The following STPG2 variants were observed in gnomAD, a reference collection of about 807,000 sequenced individuals.
The protein encoded by STPG2 is sperm tail PG-rich repeat containing 2.
In STPG2, 56 loss-of-function variants were observed where a neutral mutation model predicts 54.2. The ratio of observed to expected loss-of-function variants is 1.03; its 90% CI spans 0.83 to 1.29. The LOEUF (loss-of-function observed/expected upper bound fraction) is 1.29. Ranked by LOEUF, STPG2 falls within the 50% of genes most tolerant of loss-of-function variation. The pLI, the probability that STPG2 is intolerant of heterozygous loss-of-function variation, is 0.00. For missense variants in STPG2, 596 were observed against 544.9 expected, an observed-to-expected ratio of 1.09 and a Z score of -0.93; for synonymous variants, 200 against 181.8, an observed-to-expected ratio of 1.10 and a Z score of -0.81.
At chr4:97,632,284 G>GTT (rs1560693832) in intron 10 of STPG2, among the ~76,000 whole-genome samples, 1 of 140,628 alleles carries the variant, frequency 7.1e-6, no homozygotes, top group African/African-American at 3.0e-5. Context: ...CAAGCTTATT[G>GTT]GTTTTTTTTT....
chr4:97,928,287 C>T (rs1732409909), intron 8 of STPG2, among the ~76,000 whole-genome samples: 1 of 152,116 alleles, frequency 6.6e-6, no homozygotes, highest in South Asian at 2.1e-4. Flanking sequence ...ACTCTGGGTT[C>T]CTCCTTAATT....
At chr4:97,525,023 A>C (rs984676451) in intron 4 of STPG2, among the ~76,000 whole-genome samples, 2 of 151,918 alleles carry the variant, frequency 1.3e-5, no homozygotes. Context: ...AGACCTTCTT[A>C]TATTTCACAT....
At chr4:97,802,514 G>A (rs776832861) in intron 9 of STPG2, among the ~76,000 whole-genome samples, 6 of 151,990 alleles carry the variant, frequency 3.9e-5, no homozygotes, top group Non-Finnish European at 7.4e-5. Context: ...CTGGTTGCCT[G>A]GGTTGGAGTG....
intron 4 of STPG2, among the ~76,000 whole-genome samples, chr4:97,500,237 G>A (rs1730695223): frequency 6.6e-6 from 1 of 152,010 alleles, no homozygotes; most frequent in African/African-American, 2.4e-5. Flanking sequence ...TTAGATGAGG[G>A]TGTAAAAGAA....
intron 9 of STPG2, among the ~76,000 whole-genome samples, chr4:97,729,075 C>G (rs931636375): frequency 6.6e-6 from 1 of 150,818 alleles, no homozygotes; most frequent in African/African-American, 2.4e-5. Flanking sequence ...CTCTCTCTCT[C>G]TCTCTCTCTC....
At chr4:97,462,387 A>G (rs1035749167) in intron 4 of STPG2, among the ~76,000 whole-genome samples, 1 of 152,020 alleles carries the variant, frequency 6.6e-6, no homozygotes, top group Non-Finnish European at 1.5e-5. Context: ...ATCAAATTCT[A>G]TATAAATTTT....
intron 8 of STPG2, among the ~76,000 whole-genome samples, chr4:97,942,495 CTTTTG>C (rs71588922): frequency 0.43 from 65,827 of 151,554 alleles, 14,629 homozygotes; most frequent in Admixed American, 0.54. Context: ...TTTAAACTGT[CTTTTG>C]AATTTATAAT....
chr4:97,530,173 C>A (rs561794200), intron 4 of STPG2, among the ~76,000 whole-genome samples: 8 of 152,110 alleles, frequency 5.3e-5, no homozygotes, highest in Non-Finnish European at 1.0e-4. Flanking sequence ...ATTTAGGGAC[C>A]TAGACTGCTT....
chr4:97,967,550 T>C (rs1276166584), intron 7 of STPG2, among the ~76,000 whole-genome samples: 2 of 152,120 alleles, frequency 1.3e-5, no homozygotes, highest in Non-Finnish European at 2.9e-5. Flanking sequence ...ATCAACAGAA[T>C]ATACATTCTT....
chr4:97,705,584 C>T (rs534764694), intron 10 of STPG2, among the ~76,000 whole-genome samples: 1 of 152,082 alleles, frequency 6.6e-6, no homozygotes, highest in African/African-American at 2.4e-5. Context: ...CCTCAGCCTC[C>T]CAAAGTTCTA....
intron 5 of STPG2, among the ~76,000 whole-genome samples, chr4:98,043,697 T>A (rs1737034874): frequency 6.6e-6 from 1 of 152,146 alleles, no homozygotes; most frequent in South Asian, 2.1e-4. Context: ...TACTTTCATC[T>A]TTTTTCTTTA....
At chr4:97,521,097 T>A (rs1403279290) in intron 4 of STPG2, among the ~76,000 whole-genome samples, 2 of 152,062 alleles carry the variant, frequency 1.3e-5, no homozygotes, top group Non-Finnish European at 2.9e-5. Flanking sequence ...CACTGTTTGT[T>A]ACTATTGTAC....
intron 9 of STPG2, among the ~76,000 whole-genome samples, chr4:97,768,355 C>T (rs1245602872): frequency 6.6e-6 from 1 of 152,068 alleles, no homozygotes; most frequent in East Asian, 1.9e-4. Context: ...AGTGTTACAG[C>T]CTGCAAGGTG....
chr4:97,985,484 G>A (rs752428576), intron 5 of STPG2, among the ~76,000 whole-genome samples: 12 of 152,130 alleles, frequency 7.9e-5, no homozygotes, highest in Non-Finnish European at 1.6e-4. Flanking sequence ...TAAAATGCCC[G>A]ACAACTCCTA....
At chr4:97,764,728 G>GT (rs1725988148) in intron 9 of STPG2, among the ~76,000 whole-genome samples, 1 of 152,016 alleles carries the variant, frequency 6.6e-6, no homozygotes, top group South Asian at 2.1e-4. Flanking sequence ...AAATATTTCT[G>GT]TTTTTTTCTT....
chr4:97,824,071 C>T (rs952868756), intron 9 of STPG2, among the ~76,000 whole-genome samples: 1 of 152,142 alleles, frequency 6.6e-6, no homozygotes, highest in East Asian at 1.9e-4. Context: ...CTATGGGTGG[C>T]AGAATTAGGC....
At chr4:98,022,583 A>C (rs916607394) in intron 5 of STPG2, among the ~76,000 whole-genome samples, 4 of 151,954 alleles carry the variant, frequency 2.6e-5, no homozygotes, top group African/African-American at 9.7e-5. Context: ...AGATTGGGGA[A>C]GTTCTCCTGG....
At chr4:97,923,256 A>G (rs1016597342) in intron 8 of STPG2, among the ~76,000 whole-genome samples, 2 of 152,174 alleles carry the variant, frequency 1.3e-5, no homozygotes, top group Non-Finnish European at 2.9e-5. Flanking sequence ...GTGTGGAGAG[A>G]GAGGCACAGG....
chr4:97,880,629 A>G lies in STPG2; in HGVS notation c.1045-39697T>C, dbSNP rs188947057. On this transcript the variant is annotated intron_variant, in intron 8 of 10. Coordinates refer to ENST00000295268, the MANE Select transcript of STPG2 (RefSeq NM_174952.3). ...AAAATATGTCTTTTAAGAATTGATCATATATGAGGTAGATAAAGACTTGAC... is the reference window on the plus strand; with the variant it reads ...AAAATATGTCTTTTAAGAATTGATCGTATATGAGGTAGATAAAGACTTGAC... Among the ~76,000 whole-genome samples, 656 of 152,290 alleles carry G rather than the reference A, an allele frequency of 4.3e-3. 3 individuals are homozygous for G. Among genetic ancestry groups the G allele is most frequent in the South Asian group, 0.024 (116 of 4,824 alleles).
Sources: gnomAD v4.1 joint callset for allele counts (sites outside exome capture counted in the v4.1 genomes callset) on GRCh38, gnomAD v4.1.1 for gene constraint, MANE v1.5 for transcripts, NCBI Gene and HGNC (gene_info 2026-07-23, HGNC 2026-07-21) for gene names.